USP25: variants seen among roughly 807,000 people sequenced by gnomAD.
USP25 encodes ubiquitin specific peptidase 25.
Under a neutral mutation model 158.5 loss-of-function variants are expected in USP25, and 85 were observed. That is an observed-to-expected ratio of 0.54 (90% CI 0.45 to 0.64). The LOEUF is 0.64. Ranked by LOEUF, USP25 falls within the 30% of genes least tolerant of loss-of-function variation. The pLI, the probability that USP25 is intolerant of heterozygous loss-of-function variation, is 0.00. For synonymous variants in USP25, 464 were observed against 460.4 expected (o/e 1.01, Z -0.10); for missense variants, 1,242 against 1,327.3 (o/e 0.94, Z 1.00).
At chr21:15,868,844 G>A (rs1053906119) in intron 22 of USP25, among the ~76,000 whole-genome samples, 3 of 152,144 alleles carry the variant, frequency 2.0e-5, no homozygotes, top group African/African-American at 7.2e-5. Flanking sequence ...AACAAGGAAT[G>A]ACAGTTTGAA....
chr21:15,733,798 C>T (rs866094565), intron 1 of USP25, among the ~76,000 whole-genome samples: 15 of 152,070 alleles, frequency 9.9e-5, no homozygotes, highest in East Asian at 7.7e-4. Context: ...GCCGAGATCG[C>T]GCCATTGCAC....
chr21:15,808,357 A>G (rs1022832648), intron 7 of USP25, among the ~76,000 whole-genome samples: 1 of 150,278 alleles, frequency 6.7e-6, no homozygotes, highest in African/African-American at 2.5e-5. Context: ...TGTAAGTTGA[A>G]TTAAGAAAAG....
At position 15,756,081 on chromosome 21, in the gene USP25, T is replaced by C. The variant is rs187872022; in HGVS notation, c.46-6810T>C. On this transcript the variant is annotated intron_variant, in intron 1 of 25. Coordinates refer to ENST00000400183, the MANE Select transcript of USP25 (RefSeq NM_001283041.3). Reference sequence around the variant, plus strand: ...AGTCTCTGAGGTAAGAAATAGCCCTTAGAAGAATAGTCAAAAGAATAGGTG... The same window carrying C: ...AGTCTCTGAGGTAAGAAATAGCCCTCAGAAGAATAGTCAAAAGAATAGGTG... Among the ~76,000 whole-genome samples the C allele has an allele frequency of 6.6e-5, 10 of 152,254 alleles. No homozygotes were observed. In the East Asian group the frequency reaches 1.5e-3, roughly 24 times the overall value.
At chr21:15,747,753 A>G (rs1029671974) in intron 1 of USP25, among the ~76,000 whole-genome samples, 2 of 152,188 alleles carry the variant, frequency 1.3e-5, no homozygotes, top group Non-Finnish European at 2.9e-5. Context: ...CATTATGCAC[A>G]GCACTCAGTC....
At chr21:15,833,605 TATGCTC>T (rs1161053186) in intron 17 of USP25, 57 bp downstream of exon 17, 27 of 1,436,186 alleles carry the variant, frequency 1.9e-5, no homozygotes, top group Non-Finnish European at 2.5e-5. Context: ...TATAATAAGA[TATGCTC>T]ATTATTAAAA....
At chr21:15,815,581 C>T (rs1383898562) in intron 9 of USP25, among the ~76,000 whole-genome samples, 3 of 152,168 alleles carry the variant, frequency 2.0e-5, no homozygotes, top group Admixed American at 6.5e-5. Flanking sequence ...TGAGAGCTGG[C>T]ATCCAAGGAG....
intron 1 of USP25, among the ~76,000 whole-genome samples, chr21:15,756,169 T>C (rs1315407009): frequency 6.6e-6 from 1 of 152,212 alleles, no homozygotes; most frequent in Non-Finnish European, 1.5e-5. Flanking sequence ...TTTCCTGCTA[T>C]AGGAGTTAAT....
chr21:15,741,319 TATATA>T (rs2123220364), intron 1 of USP25, among the ~76,000 whole-genome samples: 1 of 151,556 alleles, frequency 6.6e-6, no homozygotes, highest in African/African-American at 2.4e-5. Context: ...TTTTGACCCA[TATATA>T]ATGTTATGTG....
rs1177924563 is a variant in USP25, at chr21:15,816,993, G to A, written c.932-1705G>A. Among the ~76,000 whole-genome samples, 1 of 151,924 alleles carries A rather than the reference G, an allele frequency of 6.6e-6. No homozygotes were observed. The highest frequency in any genetic ancestry group is 1.5e-5 in the Non-Finnish European group (1 of 67,968). On this transcript the variant is annotated intron_variant, in intron 9 of 25. Coordinates refer to ENST00000400183, the MANE Select transcript of USP25 (RefSeq NM_001283041.3). This position sits in a 1 kb window ranked among gnomAD's most constrained non-coding sequence, Gnocchi z 4.0. ...CTGAAAATACAAAAATTAGTCGGGT[G>A]TGGTGGTGGGCGCCTGTAATCCCAG... is the stretch of plus-strand genomic sequence containing the variant.
chr21:15,732,312 A>C (rs569924986), intron 1 of USP25, among the ~76,000 whole-genome samples: 65 of 152,344 alleles, frequency 4.3e-4, no homozygotes, highest in African/African-American at 1.1e-3. Context: ...ATTGTTTTAC[A>C]GAAGAAACAC....
At chr21:15,863,915 T>C (rs757461935) in intron 20 of USP25, among the ~76,000 whole-genome samples, 2 of 151,880 alleles carry the variant, frequency 1.3e-5, no homozygotes, top group Non-Finnish European at 2.9e-5. Flanking sequence ...TGGGCGCCTG[T>C]AATCCCAGCT....
intron 5 of USP25, among the ~76,000 whole-genome samples, chr21:15,795,226 TACAA>T (rs2035803616): frequency 6.6e-6 from 1 of 151,590 alleles, no homozygotes; most frequent in South Asian, 2.1e-4. Flanking sequence ...ATGGTTATAA[TACAA>T]ATTAAAAATA....
At chr21:15,829,072 G>A (rs1338445275) in intron 14 of USP25, among the ~76,000 whole-genome samples, 3 of 152,088 alleles carry the variant, frequency 2.0e-5, no homozygotes, top group Non-Finnish European at 1.5e-5. Context: ...TCCAACACAC[G>A]GGTATGATGT....
At chr21:15,847,572 A>G (rs1312757827) in intron 18 of USP25, 91 bp from the exon 19 acceptor site, 1 of 824,888 alleles carries the variant, frequency 1.2e-6, no homozygotes, top group Non-Finnish European at 2.0e-6. Flanking sequence ...GCTGCTGCTT[A>G]GGGATGTGCA....
At chr21:15,731,391 A>G (rs1302439774) in intron 1 of USP25, among the ~76,000 whole-genome samples, 3 of 152,138 alleles carry the variant, frequency 2.0e-5, no homozygotes, top group East Asian at 3.9e-4. Context: ...GTTTACTGTG[A>G]TCAACCACCA....
chr21:15,878,405 C>T lies in USP25; in HGVS notation c.3308C>T (p.Thr1103Met), dbSNP rs201814897. ...HEPPKLPSYS[T>M]HELCERFARI... ...CCACCGAAGTTACCTTCATATTCCA[C>T]GCATGAACTCTGTGAGCGATTTGCC... Residue 1103 changes from threonine (T) to methionine (M), a missense_variant, in exon 26 of 26, where the codon ACG (threonine) becomes ATG (methionine). Coordinates refer to ENST00000400183, the MANE Select transcript of USP25 (RefSeq NM_001283041.3). 1.9e-5 allele frequency: 31 copies of T among 1,614,032 alleles called. No individual in the cohort carries two copies. The East Asian group carries it at 3.3e-4, about 17-fold the overall frequency.
At chr21:15,783,031 A>G (rs542523182) in intron 4 of USP25, among the ~76,000 whole-genome samples, 1 of 152,304 alleles carries the variant, frequency 6.6e-6, no homozygotes, top group African/African-American at 2.4e-5. Context: ...TGAGTGAGAA[A>G]TTGAACAAAG....
intron 20 of USP25, among the ~76,000 whole-genome samples, chr21:15,859,992 T>TATATATATATATATATATA (rs1491579050): frequency 2.0e-4 from 17 of 84,794 alleles, no homozygotes; most frequent in African/African-American, 1.4e-3. Flanking sequence ...TATATCTATA[T>TATATATATATATATATATA]TTTTTTTTTT....
At chr21:15,841,179 C>G (rs1362012815) in intron 17 of USP25, among the ~76,000 whole-genome samples, 1 of 152,162 alleles carries the variant, frequency 6.6e-6, no homozygotes, top group African/African-American at 2.4e-5. Context: ...TTAACTCTGT[C>G]AAAAACTTGG....
Sources: gnomAD v4.1 joint callset for allele counts (sites outside exome capture counted in the v4.1 genomes callset) on GRCh38, gnomAD v4.1.1 for gene constraint, Gnocchi (gnomAD v3.1) non-coding constraint, MANE v1.5 for transcripts, NCBI Gene and HGNC (gene_info 2026-07-23, HGNC 2026-07-21) for gene names.